The following CCDC179 variants were observed in gnomAD, a reference collection of about 807,000 sequenced individuals.
CCDC179 encodes coiled-coil domain-containing protein 179.
In CCDC179, 17 loss-of-function variants were observed where a neutral mutation model predicts 12.0. The ratio of observed to expected loss-of-function variants is 1.42; its 90% CI spans 0.97 to 2.13. The LOEUF (loss-of-function observed/expected upper bound fraction) is 2.13. Among genes scored for constraint, CCDC179 ranks in the 30% most tolerant of loss-of-function variants. The probability of loss-of-function intolerance (pLI) is 0.00; values close to 1 mark genes in which losing one functional copy is unlikely to be tolerated. For synonymous variants in CCDC179, 27 were observed against 26.4 expected (o/e 1.02, Z -0.07); for missense variants, 83 against 78.6 (o/e 1.06, Z -0.21).
At chr11:22,858,185 A>G (rs970412839) in intron 2 of CCDC179, 159 bp from the exon 3 acceptor site, 6 of 502,544 alleles carry the variant, frequency 1.2e-5, no homozygotes, top group African/African-American at 2.0e-5. Flanking sequence ...AATCTCTTTC[A>G]TTCAAATGTA....
Position 22,857,923 on chromosome 11 carries a change from A to C in CCDC179, c.194T>G (p.Leu65Arg). Residue 65 changes from leucine to arginine, a missense_variant and splice_region_variant, in exon 3 of 4, where the codon CTA becomes CGA. Physicochemically the swap from Leu to Arg is moderately radical, Grantham distance 102. Coordinates refer to ENST00000532798, the MANE Select transcript of CCDC179 (RefSeq NM_001195637.2). ...RPSPIPEPGL[L>R]WSS The stretch of plus-strand genomic sequence containing the variant: ...TTTCAGTGAAACCTCTATACTTACT[A>C]GGAGTCCTGGTTCTGGAATAGGAGA... The C allele has an allele frequency of 1.4e-6, 2 of 1,468,500 alleles. No individual in the cohort carries two copies. The highest frequency in any genetic ancestry group is 1.8e-6 in the Non-Finnish European group (2 of 1,098,126). The allele number at this position is 1,468,500 out of a possible 1,614,324, so 91.0% of individuals were successfully genotyped here.
At chr11:22,850,971 TA>T (rs1374923306) in intron 3 of CCDC179, among the ~76,000 whole-genome samples, 509 of 17,122 alleles carry the variant, frequency 0.03, 19 homozygotes, top group East Asian at 0.044. Flanking sequence ...TATATATATA[TA>T]TATATTTTTT....
At chr11:22,850,578 A>G (rs1288801233) in intron 3 of CCDC179, among the ~76,000 whole-genome samples, 4 of 148,232 alleles carry the variant, frequency 2.7e-5, no homozygotes, top group Non-Finnish European at 5.9e-5. Context: ...TTTTAATATA[A>G]CAACTTATTT....
intron 3 of CCDC179, among the ~76,000 whole-genome samples, chr11:22,857,721 T>C (rs185977608): frequency 6.6e-6 from 1 of 151,884 alleles, no homozygotes; most frequent in East Asian, 1.9e-4. Flanking sequence ...TAATCCTCTT[T>C]TCATTAAACC....
intron 3 of CCDC179, among the ~76,000 whole-genome samples, chr11:22,854,053 AGT>A (rs1365960831): frequency 6.6e-6 from 1 of 151,938 alleles, no homozygotes; most frequent in Non-Finnish European, 1.5e-5. Flanking sequence ...AAATATTTAA[AGT>A]GTTCAAAGAA....
chr11:22,856,437 A>G (rs1342053996), intron 3 of CCDC179, among the ~76,000 whole-genome samples: 2 of 151,554 alleles, frequency 1.3e-5, no homozygotes, highest in African/African-American at 2.4e-5. Flanking sequence ...ACAATGTATA[A>G]TAAGAATTTG....
At chr11:22,851,677 A>G (rs952440632) in intron 3 of CCDC179, among the ~76,000 whole-genome samples, 1 of 152,244 alleles carries the variant, frequency 6.6e-6, no homozygotes, top group African/African-American at 2.4e-5. Flanking sequence ...TGCCCTGAAA[A>G]CCAGAGAGAC....
rs1271315473 is a variant in CCDC179, at chr11:22,847,362, T to C, written c.*148A>G. 14 of 417,354 alleles carry C rather than the reference T, an allele frequency of 3.4e-5. No individual in the cohort carries two copies. The highest frequency in any genetic ancestry group is 5.0e-5 in the Non-Finnish European group (12 of 241,506). The allele number at this position is 417,354 out of a possible 1,614,324, so 25.9% of individuals were successfully genotyped here. ...AATTCTAGAGCCTGTAGCTTGGATA[T>C]TAAATACTTGCACTGTGTTTATTTT... On this transcript the variant is annotated 3_prime_UTR_variant, in exon 4 of 4. Transcript: ENST00000532798.
rs185307594 is a variant in CCDC179, at chr11:22,847,277, G to A, written c.*233C>T. On this transcript the variant is annotated 3_prime_UTR_variant, in exon 4 of 4. Coordinates refer to ENST00000532798, the MANE Select transcript of CCDC179 (RefSeq NM_001195637.2). Reference sequence around the variant, plus strand: ...ATTCATTATTATTTGTTGAAAAGCAGCAAATTTCAAGTTTACCACAGGAAA... The same window carrying A: ...ATTCATTATTATTTGTTGAAAAGCAACAAATTTCAAGTTTACCACAGGAAA... 8 of 348,474 alleles carry A rather than the reference G, an allele frequency of 2.3e-5. No homozygotes were observed. The highest frequency in any genetic ancestry group is 1.7e-4 in the African/African-American group (8 of 47,276). 21.6% of individuals were successfully genotyped at this position (348,474 alleles called of 1,614,324 possible).
intron 3 of CCDC179, among the ~76,000 whole-genome samples, chr11:22,849,124 A>G (rs904766318): frequency 6.6e-6 from 1 of 152,192 alleles, no homozygotes; most frequent in African/African-American, 2.4e-5. Context: ...CTATTCTTTG[A>G]AAAGTGAAGA....
intron 2 of CCDC179, 191 bp from the exon 3 acceptor site, chr11:22,858,217 C>T (rs1858573278): frequency 4.9e-6 from 2 of 408,332 alleles, no homozygotes; most frequent in Admixed American, 8.7e-5. Flanking sequence ...TGAAGAAAAC[C>T]ACATTGGAGC....
At chr11:22,856,735 A>C (rs1858537878) in intron 3 of CCDC179, among the ~76,000 whole-genome samples, 1 of 151,770 alleles carries the variant, frequency 6.6e-6, no homozygotes, top group Non-Finnish European at 1.5e-5. Flanking sequence ...CTTCGTTCAC[A>C]GACGACCTGA....
At chr11:22,849,690 G>A (rs995899335) in intron 3 of CCDC179, among the ~76,000 whole-genome samples, 7 of 151,926 alleles carry the variant, frequency 4.6e-5, no homozygotes, top group East Asian at 3.9e-4. Context: ...CATGTGTCTC[G>A]AAAGTCCATT....
intron 3 of CCDC179, among the ~76,000 whole-genome samples, chr11:22,850,046 G>A (rs1340932100): frequency 6.6e-6 from 1 of 152,136 alleles, no homozygotes; most frequent in African/African-American, 2.4e-5. Flanking sequence ...TGCAGGGAAG[G>A]CTGGCCACCT....
intron 3 of CCDC179, among the ~76,000 whole-genome samples, chr11:22,855,408 AT>A (rs1301797651): frequency 6.6e-6 from 1 of 151,644 alleles, no homozygotes; most frequent in Non-Finnish European, 1.5e-5. Flanking sequence ...ATAACTGGAA[AT>A]TCCTCAAATA....
chr11:22,856,689 T>C (rs1281357951), intron 3 of CCDC179, among the ~76,000 whole-genome samples: 2 of 151,616 alleles, frequency 1.3e-5, no homozygotes, highest in African/African-American at 2.4e-5. Flanking sequence ...ATAAATGTTA[T>C]ACAGTTTGAG....
intron 2 of CCDC179, among the ~76,000 whole-genome samples, chr11:22,858,837 A>G (rs983684492): frequency 5.3e-5 from 8 of 152,100 alleles, no homozygotes; most frequent in Non-Finnish European, 7.4e-5. Context: ...TAAACAAGAG[A>G]AAGGATTAAT....
chr11:22,849,941 G>A (rs1458811051), intron 3 of CCDC179, among the ~76,000 whole-genome samples: 2 of 152,156 alleles, frequency 1.3e-5, no homozygotes, highest in Admixed American at 1.3e-4. Flanking sequence ...CGGGCCGGTG[G>A]TGGAGGCGAC....
In CCDC179 at chr11:22,850,965, T is replaced by C. The variant is rs1335518126; in HGVS notation, c.196-3444A>G. On this transcript the variant is annotated intron_variant, in intron 3 of 3. Transcript: ENST00000532798. ...CTATATATATATATATATATATATA[T>C]ATATATATATATTTTTTTTTTTTTT... is the stretch of plus-strand genomic sequence containing the variant. Among the ~76,000 whole-genome samples, 213 of 22,590 alleles carry C rather than the reference T, an allele frequency of 9.4e-3. 7 individuals carry two copies. Among genetic ancestry groups the C allele is most frequent in the African/African-American group, 0.03 (206 of 6,920 alleles). The allele number at this position is 22,590 out of a possible 152,430, so 14.8% of individuals were successfully genotyped here.
Sources: gnomAD v4.1 joint callset for allele counts (sites outside exome capture counted in the v4.1 genomes callset) on GRCh38, gnomAD v4.1.1 for gene constraint, MANE v1.5 for transcripts, NCBI Gene and HGNC (gene_info 2026-07-23, HGNC 2026-07-21) for gene names.